PCDHGA12: variants seen among roughly 807,000 people sequenced by gnomAD.
PCDHGA12 encodes the protein protocadherin gamma subfamily A, 12, also known as protocadherin gamma-A12.
Under a neutral mutation model 61.1 loss-of-function variants are expected in PCDHGA12, and 43 were observed. That is an observed-to-expected ratio of 0.70 (90% confidence interval 0.55 to 0.91). The LOEUF is 0.91. Ranked by LOEUF, PCDHGA12 falls within the 40% of genes least tolerant of loss-of-function variation. The pLI is 0.00. For missense variants in PCDHGA12, 1,236 were observed against 1,227.7 expected (o/e 1.01, Z -0.10); for synonymous variants, 520 against 542.9 (o/e 0.96, Z 0.59).
chr5:141,457,466 A>C (rs1404739941), intron 1 of PCDHGA12, among the ~76,000 whole-genome samples: 1 of 152,356 alleles, frequency 6.6e-6, no homozygotes, highest in East Asian at 1.9e-4. Context: ...ATTCACAGGA[A>C]TAAGCAGGGC....
At chr5:141,478,904 T>G in intron 1 of PCDHGA12, 1 of 958,800 alleles carries the variant, frequency 1.0e-6, no homozygotes, top group Non-Finnish European at 1.5e-6. Context: ...AGGAATAAGC[T>G]GCTGGATACC....
chr5:141,487,512 C>T lies in PCDHGA12; in HGVS notation c.2425-7295C>T, dbSNP rs372606253. The stretch of plus-strand genomic sequence containing the variant: ...TGTACACCCTTGGCTTCTGCACCCA[C>T]TCGGAGTGATAGCTTCATGATGGTG... On this transcript the variant is annotated intron_variant, in intron 1 of 3. Transcript: ENST00000252085. This position sits in a 1 kb window ranked among gnomAD's most constrained non-coding sequence, Gnocchi z 5.0. 3.7e-6 allele frequency: 6 copies of T among 1,614,082 alleles called. No homozygotes were observed. The highest frequency in any genetic ancestry group is 5.1e-6 in the Non-Finnish European group (6 of 1,180,044).
chr5:141,478,901 A>T (rs2099483520), intron 1 of PCDHGA12: 2 of 1,002,034 alleles, frequency 2.0e-6, no homozygotes, highest in African/African-American at 3.3e-5. Flanking sequence ...ATTAGGAATA[A>T]GCTGCTGGAT....
At chr5:141,445,427 C>G (rs964779092) in intron 1 of PCDHGA12, among the ~76,000 whole-genome samples, 4 of 152,152 alleles carry the variant, frequency 2.6e-5, no homozygotes, top group African/African-American at 9.7e-5. Flanking sequence ...ATATGCAAGG[C>G]ACTGACCTAT....
At position 141,430,957 on chromosome 5, in the gene PCDHGA12, C is replaced by T. The variant is rs771551541; in HGVS notation, c.198C>T (p.Ile66=). 2.6e-5 allele frequency: 42 copies of T among 1,611,532 alleles called. No homozygotes were observed. Among genetic ancestry groups the T allele is most frequent in the Middle Eastern group, 3.3e-4 (2 of 6,048 alleles). Residue 66 remains isoleucine, a synonymous_variant, in exon 1 of 4, where the codon ATC becomes ATT. Coordinates refer to ENST00000252085, the MANE Select transcript of PCDHGA12 (RefSeq NM_003735.3). ...PRELAERGVR[I]IPRGRTQLFA... ...AGCTCGCGGAGCGCGGAGTCCGCAT[C>T]ATCCCCAGAGGTAGGACGCAGCTTT...
In PCDHGA12 at chr5:141,476,715, G is replaced by A. The variant is rs199871912; in HGVS notation, c.2425-18092G>A. 12 of 1,614,168 alleles carry A rather than the reference G, an allele frequency of 7.4e-6. No individual in the cohort carries two copies. The highest frequency in any genetic ancestry group is 1.7e-5 in the Admixed American group (1 of 60,032). On this transcript the variant is annotated intron_variant, in intron 1 of 3. Coordinates refer to ENST00000252085, the MANE Select transcript of PCDHGA12 (RefSeq NM_003735.3). The surrounding 1 kb of genome is among the most constrained non-coding windows in gnomAD (Gnocchi z 7.6). ...AAGTACGCGGAGCTGGTGTTGGAGC[G>A]CGCCCTGGACCGAGAACGGGAGCCT...
rs895234762 is a variant in PCDHGA12 at position 141,476,911 on chromosome 5, A to G, written c.2425-17896A>G. 4 of 1,613,972 alleles carry G rather than the reference A, an allele frequency of 2.5e-6. No individual in the cohort carries two copies. The African/African-American group carries it at 4.0e-5, about 16-fold the overall frequency. On this transcript the variant is annotated intron_variant, in intron 1 of 3. Transcript: ENST00000252085. This position sits in a 1 kb window ranked among gnomAD's most constrained non-coding sequence, Gnocchi z 7.6. ...CACCCTCCGGCACGCGCGTGGTACA[A>G]GTCCTTGCAACGGATCTGGATGAAG...
intron 1 of PCDHGA12, among the ~76,000 whole-genome samples, chr5:141,444,372 T>C (rs967151811): frequency 6.6e-6 from 1 of 151,998 alleles, no homozygotes. Context: ...GGTTTCTCCA[T>C]GTTGGTCAGG....
At position 141,486,891 on chromosome 5, in the gene PCDHGA12, G is replaced by A. The variant is rs201201426; in HGVS notation, c.2425-7916G>A. 38 of 1,614,118 alleles carry A rather than the reference G, an allele frequency of 2.4e-5. No individual in the cohort carries two copies. The highest frequency in any genetic ancestry group is 3.1e-5 in the Non-Finnish European group (37 of 1,180,064). Reference sequence around the variant, plus strand: ...GTGCTCCGTCCTCGGGCCCGGCCTGGTTCCTTATGTCCCCAAGCACTGCCT... The same window carrying A: ...GTGCTCCGTCCTCGGGCCCGGCCTGATTCCTTATGTCCCCAAGCACTGCCT... On this transcript the variant is annotated intron_variant, in intron 1 of 3. Coordinates refer to ENST00000252085, the MANE Select transcript of PCDHGA12 (RefSeq NM_003735.3). This position sits in a 1 kb window ranked among gnomAD's most constrained non-coding sequence, Gnocchi z 5.0.
Position 141,450,631 on chromosome 5 carries a change from T to C in PCDHGA12, c.2424+17448T>C, listed in dbSNP as rs554043866. 6.1e-5 allele frequency among the ~76,000 whole-genome samples: 9 copies of C among 148,320 alleles called. No homozygotes were observed. In the East Asian group the frequency reaches 1.9e-3, roughly 31 times the overall value. Reference sequence around the variant, plus strand: ...CCTCCTGAGTAGCTGGGATTACAGATGCCTGCCACCATGCCTGGCTAATTT... The same window carrying C: ...CCTCCTGAGTAGCTGGGATTACAGACGCCTGCCACCATGCCTGGCTAATTT... On this transcript the variant is annotated intron_variant, in intron 1 of 3. Transcript: ENST00000252085.
intron 1 of PCDHGA12, among the ~76,000 whole-genome samples, chr5:141,439,259 G>A (rs1172204848): frequency 6.6e-6 from 1 of 151,900 alleles, no homozygotes; most frequent in African/African-American, 2.4e-5. Context: ...TGAAGATTCA[G>A]CCAACAGTTC....
At chr5:141,433,358 C>CTAT (rs2097585632) in intron 1 of PCDHGA12, 175 bp downstream of exon 1, 108 of 504,044 alleles carry the variant, frequency 2.1e-4, no homozygotes, top group African/African-American at 2.0e-3. Flanking sequence ...CTACTGTCTG[C>CTAT]CTATCTATCT....
At chr5:141,507,283 G>T (rs917383969) in intron 3 of PCDHGA12, 2 of 150,498 alleles carry the variant, frequency 1.3e-5, no homozygotes, top group Non-Finnish European at 2.9e-5. Context: ...GCATAAGTCA[G>T]TCTCAAATGT....
At position 141,486,364 on chromosome 5, in the gene PCDHGA12, C is replaced by T; in HGVS notation, c.2425-8443C>T. 1 of 1,614,068 alleles carries T rather than the reference C, an allele frequency of 6.2e-7. No homozygotes were observed. The highest frequency in any genetic ancestry group is 1.1e-5 in the South Asian group (1 of 91,074). On this transcript the variant is annotated intron_variant, in intron 1 of 3. Transcript: ENST00000252085. The surrounding 1 kb of genome is among the most constrained non-coding windows in gnomAD (Gnocchi z 5.0). ...TTCCTGACCACTTGCCATTTGCCCT[C>T]AAGTCTGCCTTCAGGAACCAGTTCT...
chr5:141,491,564 G>A lies in PCDHGA12; in HGVS notation c.2425-3243G>A, dbSNP rs2099721154. On this transcript the variant is annotated intron_variant, in intron 1 of 3. Coordinates refer to ENST00000252085, the MANE Select transcript of PCDHGA12 (RefSeq NM_003735.3). The surrounding 1 kb of genome is among the most constrained non-coding windows in gnomAD (Gnocchi z 6.9). Reference sequence around the variant, plus strand: ...ACAGACTCGCAGAGCCACTGCTACAGGACGTGCTTTTCACCGGCCTCGGAC... The same window carrying A: ...ACAGACTCGCAGAGCCACTGCTACAAGACGTGCTTTTCACCGGCCTCGGAC... The A allele has an allele frequency of 3.1e-6, 5 of 1,613,878 alleles. No individual in the cohort carries two copies. Among genetic ancestry groups the A allele is most frequent in the Non-Finnish European group, 8.5e-7 (1 of 1,180,042 alleles).
chr5:141,510,510 G>A (rs1042950478), intron 3 of PCDHGA12, among the ~76,000 whole-genome samples: 5 of 152,132 alleles, frequency 3.3e-5, no homozygotes, highest in Non-Finnish European at 5.9e-5. Context: ...CTGAGAGCCC[G>A]TGTCACAGCC....
chr5:141,457,972 A>AC (rs1198043621), intron 1 of PCDHGA12, among the ~76,000 whole-genome samples: 4 of 152,218 alleles, frequency 2.6e-5, no homozygotes, highest in African/African-American at 9.6e-5. Flanking sequence ...TTAAAGGGAA[A>AC]CACACCCTTT....
intron 1 of PCDHGA12, among the ~76,000 whole-genome samples, chr5:141,450,061 C>A (rs1219642208): frequency 7.2e-6 from 1 of 139,334 alleles, no homozygotes; most frequent in Non-Finnish European, 1.5e-5. Context: ...GGCTGGAATG[C>A]AGTGGTATGA....
chr5:141,456,301 C>CA (rs761557752), intron 1 of PCDHGA12, among the ~76,000 whole-genome samples: 14 of 152,154 alleles, frequency 9.2e-5, no homozygotes, highest in Non-Finnish European at 1.6e-4. Flanking sequence ...TAATGGAGAA[C>CA]AGCAGCTAGG....
Sources: allele counts gnomAD v4.1 joint callset (sites outside exome capture counted in the v4.1 genomes callset), GRCh38; gene constraint gnomAD v4.1.1; non-coding constraint Gnocchi (gnomAD v3.1); transcripts MANE v1.5; gene names NCBI Gene and HGNC (gene_info 2026-07-23, HGNC 2026-07-21).